Variants in VPS4B observed in about 807,000 individuals in gnomAD.
The protein encoded by VPS4B is vacuolar protein sorting-associated protein 4B.
Under a neutral mutation model 56.1 loss-of-function variants are expected in VPS4B, and 23 were observed. That is an observed-to-expected ratio of 0.41 (90% CI 0.30 to 0.58). The LOEUF is 0.58. Among genes scored for constraint, VPS4B ranks in the 20% least tolerant of loss-of-function variants. VPS4B has a pLI of 0.29. For synonymous variants in VPS4B, 177 were observed against 186.0 expected (o/e 0.95, Z 0.39); for missense variants, 372 against 531.9 (o/e 0.70, Z 2.96).
intron 4 of VPS4B, 78 bp downstream of exon 4, chr18:63,407,354 C>T (rs1281311391): frequency 2.2e-5 from 28 of 1,275,038 alleles, no homozygotes; most frequent in African/African-American, 3.0e-5. Context: ...AGAGGGAGAA[C>T]AAAAACAATT....
intron 6 of VPS4B, 144 bp downstream of exon 6, chr18:63,400,403 A>G (rs996152486): frequency 1.2e-5 from 13 of 1,122,376 alleles, no homozygotes; most frequent in Non-Finnish European, 1.5e-5. Context: ...GAAATTCTAG[A>G]TTAGAGACTG....
At chr18:63,410,595 T>A (rs1916019039) in intron 2 of VPS4B, 149 bp from the exon 3 acceptor site, 1 of 1,069,934 alleles carries the variant, frequency 9.3e-7, no homozygotes, top group Non-Finnish European at 1.3e-6. Flanking sequence ...CCAATGATTA[T>A]CACCTCTTTT....
At position 63,390,811 on chromosome 18, in the gene VPS4B, T is replaced by A. The variant is rs934568711; in HGVS notation, c.*164A>T. The A allele has an allele frequency of 2.0e-6, 1 of 510,250 alleles. No individual in the cohort carries two copies. Among genetic ancestry groups the A allele is most frequent in the Non-Finnish European group, 3.5e-6 (1 of 287,552 alleles). 31.6% of individuals were successfully genotyped at this position (510,250 alleles called of 1,614,324 possible). Reference sequence around the variant, plus strand: ...TTTGTTAATAGGAGTATTTAATAAGTAATGGAGGAAAAGTACAATATAAAA... The same window carrying A: ...TTTGTTAATAGGAGTATTTAATAAGAAATGGAGGAAAAGTACAATATAAAA... On this transcript the variant is annotated 3_prime_UTR_variant, in exon 11 of 11. Coordinates refer to ENST00000238497, the MANE Select transcript of VPS4B (RefSeq NM_004869.4).
At position 63,389,400 on chromosome 18, in the gene VPS4B, A is replaced by G. The variant is rs1915492215; in HGVS notation, c.*1575T>C. 6.6e-6 allele frequency: 1 copy of G among 152,654 alleles called. No homozygotes were observed. Among genetic ancestry groups the G allele is most frequent in the East Asian group, 1.9e-4 (1 of 5,200 alleles). 9.5% of individuals were successfully genotyped at this position (152,654 alleles called of 1,614,324 possible). On this transcript the variant is annotated 3_prime_UTR_variant, in exon 11 of 11. Coordinates refer to ENST00000238497, the MANE Select transcript of VPS4B (RefSeq NM_004869.4). ...GTACAGAAAACCCAAAGGCAACCACATAGCATATGTAAAATGTGCAAATAC... is the reference window on the plus strand; with the variant it reads ...GTACAGAAAACCCAAAGGCAACCACGTAGCATATGTAAAATGTGCAAATAC...
At chr18:63,394,021 G>A (rs2144410692) in intron 9 of VPS4B, among the ~76,000 whole-genome samples, 1 of 152,230 alleles carries the variant, frequency 6.6e-6, no homozygotes, top group Non-Finnish European at 1.5e-5. Flanking sequence ...ACAGGTGTGA[G>A]CGACTGCACC....
chr18:63,389,781 T>C lies in VPS4B; in HGVS notation c.*1194A>G, dbSNP rs1378864045. 6.6e-6 allele frequency: 1 copy of C among 152,634 alleles called. No individual in the cohort carries two copies. The highest frequency in any genetic ancestry group is 1.5e-5 in the Non-Finnish European group (1 of 68,040). The allele number at this position is 152,634 out of a possible 1,614,324, so 9.5% of individuals were successfully genotyped here. On this transcript the variant is annotated 3_prime_UTR_variant, in exon 11 of 11. Coordinates refer to ENST00000238497, the MANE Select transcript of VPS4B (RefSeq NM_004869.4). Reference sequence around the variant, plus strand: ...TTAAAAAAGGAAATATACATATATGTACACAGACACCCCATATCACAGACA... The same window carrying C: ...TTAAAAAAGGAAATATACATATATGCACACAGACACCCCATATCACAGACA...
In VPS4B at chr18:63,422,260, G is replaced by A. The variant is rs139982326; in HGVS notation, c.-1C>T. 14 of 1,509,208 alleles carry A rather than the reference G, an allele frequency of 9.3e-6. No homozygotes were observed. The highest frequency in any genetic ancestry group is 1.2e-5 in the Non-Finnish European group (14 of 1,127,070). The allele number at this position is 1,509,208 out of a possible 1,614,324, so 93.5% of individuals were successfully genotyped here. A position where few individuals can be genotyped will look rare whatever the true frequency, so the allele number is the denominator to read the frequency against. Reference sequence around the variant, plus strand: ...GGAGGTTGGGCGAAGTGGATGACATGGCGGAGTTCCCAGGCGGTTCCCAAG... The same window carrying A: ...GGAGGTTGGGCGAAGTGGATGACATAGCGGAGTTCCCAGGCGGTTCCCAAG... On this transcript the variant is annotated 5_prime_UTR_variant, in exon 1 of 11. Coordinates refer to ENST00000238497, the MANE Select transcript of VPS4B (RefSeq NM_004869.4).
chr18:63,408,636 C>A (rs1296192574), intron 3 of VPS4B, among the ~76,000 whole-genome samples: 1 of 152,230 alleles, frequency 6.6e-6, no homozygotes, highest in African/African-American at 2.4e-5. Flanking sequence ...TGCTCCCAAG[C>A]ACCATCAGTG....
At chr18:63,408,632 C>G (rs372813693) in intron 3 of VPS4B, among the ~76,000 whole-genome samples, 78 of 152,306 alleles carry the variant, frequency 5.1e-4, no homozygotes, top group East Asian at 4.2e-3. Context: ...TACCTGCTCC[C>G]AAGCACCATC....
chr18:63,408,459 AAAAC>A (rs1385261067), intron 3 of VPS4B, among the ~76,000 whole-genome samples: 5 of 152,270 alleles, frequency 3.3e-5, no homozygotes, highest in Admixed American at 2.0e-4. Context: ...GTCCTTATTA[AAAAC>A]AAACAAACAA....
Position 63,390,666 on chromosome 18 carries a change from C to T in VPS4B, c.*309G>A, listed in dbSNP as rs1219673844. 5.9e-6 allele frequency: 1 copy of T among 168,996 alleles called. No individual in the cohort carries two copies. Among genetic ancestry groups the T allele is most frequent in the Non-Finnish European group, 1.3e-5 (1 of 79,368 alleles). The allele number at this position is 168,996 out of a possible 1,614,324, so 10.5% of individuals were successfully genotyped here. A position where few individuals can be genotyped will look rare whatever the true frequency, so the allele number is the denominator to read the frequency against. ...ATATAAATGCTCTTTGCAAAGACCA[C>T]CATTCATAAAAATTGTAAATATTTG... On this transcript the variant is annotated 3_prime_UTR_variant, in exon 11 of 11. Coordinates refer to ENST00000238497, the MANE Select transcript of VPS4B (RefSeq NM_004869.4).
intron 9 of VPS4B, among the ~76,000 whole-genome samples, chr18:63,394,354 T>C (rs1915622721): frequency 6.6e-6 from 1 of 152,242 alleles, no homozygotes; most frequent in Non-Finnish European, 1.5e-5. Flanking sequence ...TCAATGCCAT[T>C]TTATCATGTA....
chr18:63,411,464 C>G lies in VPS4B; in HGVS notation c.139+3G>C. The G allele has an allele frequency of 6.6e-7, 1 of 1,525,086 alleles. No homozygotes were observed. Among genetic ancestry groups the G allele is most frequent in the Non-Finnish European group, 8.8e-7 (1 of 1,132,946 alleles). 94.5% of individuals were successfully genotyped at this position (1,525,086 alleles called of 1,614,324 possible). On this transcript the variant is annotated splice_donor_region_variant and intron_variant, in intron 2 of 10. Transcript: ENST00000238497. ...TTAAATAAAATATAACCTATGGCCT[C>G]ACATTTAACGACATGAAGAAAATAC...
chr18:63,398,696 G>T (rs1347439125), intron 8 of VPS4B, among the ~76,000 whole-genome samples: 1 of 151,662 alleles, frequency 6.6e-6, no homozygotes, highest in Non-Finnish European at 1.5e-5. Flanking sequence ...TTAGCTGGGC[G>T]TGGTGGTGCA....
intron 5 of VPS4B, 84 bp from the exon 6 acceptor site, chr18:63,400,787 T>C: frequency 7.6e-7 from 1 of 1,317,004 alleles, no homozygotes; most frequent in South Asian, 1.3e-5. Flanking sequence ...TGGAAAGATT[T>C]TCACTCTAAA....
chr18:63,392,773 CAG>C (rs1430328876), intron 10 of VPS4B, among the ~76,000 whole-genome samples: 1 of 144,648 alleles, frequency 6.9e-6, no homozygotes, highest in Non-Finnish European at 1.5e-5. Context: ...TTTTTGGAGA[CAG>C]AGTCTCGCTC....
intron 1 of VPS4B, among the ~76,000 whole-genome samples, chr18:63,413,951 C>T (rs145446146): frequency 1.9e-3 from 294 of 152,228 alleles, no homozygotes; most frequent in African/African-American, 6.4e-3. Context: ...AGCCTAAATT[C>T]AAAGCTAAAT....
At chr18:63,398,797 C>T (rs1457287071) in intron 8 of VPS4B, among the ~76,000 whole-genome samples, 1 of 149,986 alleles carries the variant, frequency 6.7e-6, no homozygotes, top group Non-Finnish European at 1.5e-5. Context: ...ATCGCACCAC[C>T]GCACTCCAGC....
At chr18:63,421,065 A>G (rs1916288031) in intron 1 of VPS4B, among the ~76,000 whole-genome samples, 1 of 151,938 alleles carries the variant, frequency 6.6e-6, no homozygotes, top group Non-Finnish European at 1.5e-5. Flanking sequence ...GAAAGAAAAG[A>G]AAAGGAAAAA....
Sources: gnomAD v4.1 joint callset for allele counts (sites outside exome capture counted in the v4.1 genomes callset) on GRCh38, gnomAD v4.1.1 for gene constraint, MANE v1.5 for transcripts, NCBI Gene and HGNC (gene_info 2026-07-23, HGNC 2026-07-21) for gene names.